SDK1: variants seen among roughly 807,000 people sequenced by gnomAD.
SDK1 encodes the protein sidekick cell adhesion molecule 1, also known as protein sidekick-1.
In SDK1, 157 loss-of-function variants were observed where a neutral mutation model predicts 245.5. The observed-to-expected ratio is 0.64, with a 90% CI of 0.56 to 0.73. SDK1 has a LOEUF of 0.73. Among genes scored for constraint, SDK1 ranks in the 30% least tolerant of loss-of-function variants. The pLI is 0.00. For synonymous variants in SDK1, 1,647 were observed against 1,278.5 expected, an observed-to-expected ratio of 1.29 and a Z score of -6.15; for missense variants, 3,583 against 3,002.3, an observed-to-expected ratio of 1.19 and a Z score of -4.52.
chr7:3,757,498 A>G (rs1394063600), intron 4 of SDK1, among the ~76,000 whole-genome samples: 2 of 152,070 alleles, frequency 1.3e-5, no homozygotes, highest in African/African-American at 4.8e-5. Flanking sequence ...TGGCCTCCCA[A>G]AGTGCTGGGA....
At chr7:3,438,896 A>G (rs1367258486) in intron 1 of SDK1, among the ~76,000 whole-genome samples, 1 of 136,136 alleles carries the variant, frequency 7.3e-6, no homozygotes, top group African/African-American at 3.1e-5. Context: ...CTTGTTGCCC[A>G]GGCTGGAGTG....
chr7:3,413,984 A>T (rs549179034), intron 1 of SDK1, among the ~76,000 whole-genome samples: 2 of 152,176 alleles, frequency 1.3e-5, no homozygotes, highest in Non-Finnish European at 2.9e-5. Context: ...AAAAATAAAA[A>T]GATAACTTGG....
chr7:3,379,035 C>G (rs1781420759), intron 1 of SDK1, among the ~76,000 whole-genome samples: 3 of 152,144 alleles, frequency 2.0e-5, no homozygotes. Flanking sequence ...GCCTGCTTCT[C>G]CTGGCCTGTG....
At chr7:3,676,803 A>G (rs747333755) in intron 4 of SDK1, among the ~76,000 whole-genome samples, 1 of 152,030 alleles carries the variant, frequency 6.6e-6, no homozygotes, top group Admixed American at 6.6e-5. Flanking sequence ...ATTTTTGTTG[A>G]CTTTGTTGAT....
intron 44 of SDK1, among the ~76,000 whole-genome samples, chr7:4,246,941 C>T (rs1023427143): frequency 2.0e-5 from 3 of 152,160 alleles, no homozygotes; most frequent in Non-Finnish European, 4.4e-5. Flanking sequence ...AAGCAGGGGG[C>T]TCAACACACC....
intron 1 of SDK1, among the ~76,000 whole-genome samples, chr7:3,365,063 T>C (rs766844182): frequency 2.6e-5 from 4 of 152,218 alleles, no homozygotes; most frequent in Non-Finnish European, 5.9e-5. Flanking sequence ...GGTGTCAGTG[T>C]GTTCACTGCT....
chr7:3,666,033 A>G (rs1415082781), intron 4 of SDK1, among the ~76,000 whole-genome samples: 2 of 152,096 alleles, frequency 1.3e-5, no homozygotes, highest in Non-Finnish European at 2.9e-5. Flanking sequence ...TGTTCTGGCC[A>G]TTGGCATAAT....
At chr7:3,864,812 G>C (rs1308563734) in intron 5 of SDK1, among the ~76,000 whole-genome samples, 1 of 152,196 alleles carries the variant, frequency 6.6e-6, no homozygotes. Context: ...GGGAAAGAAT[G>C]AGGGAGCAGA....
chr7:3,825,556 AAAC>A (rs1779751297), intron 5 of SDK1, among the ~76,000 whole-genome samples: 1 of 152,170 alleles, frequency 6.6e-6, no homozygotes, highest in South Asian at 2.1e-4. Context: ...TCTCCTCTTC[AAAC>A]AACATTTGCA....
At chr7:4,004,116 C>G (rs55809129) in intron 14 of SDK1, among the ~76,000 whole-genome samples, 43,267 of 152,110 alleles carry the variant, frequency 0.28, 6,444 homozygotes, top group African/African-American at 0.36. Flanking sequence ...ACACATACAG[C>G]CATCAGCAGT....
chr7:3,951,632 C>T, intron 6 of SDK1, 98 bp from the exon 7 acceptor site: 1 of 1,032,060 alleles, frequency 9.7e-7, no homozygotes, highest in African/African-American at 1.6e-5. Context: ...ACCCTGGTAG[C>T]ATTAGCTTCG....
Position 3,331,283 on chromosome 7 carries a change from A to G in SDK1, c.298+29399A>G, listed in dbSNP as rs576625877. On this transcript the variant is annotated intron_variant, in intron 1 of 44. Transcript: ENST00000404826. ...GTCTGAAAAAAAGAAAACAAAAAAC[A>G]AAACACCCAGTCTATGGTGTTCTGT... Among the ~76,000 whole-genome samples, 9 of 152,122 alleles carry G rather than the reference A, an allele frequency of 5.9e-5. No homozygotes were observed. The South Asian group carries it at 1.9e-3, about 31-fold the overall frequency.
At chr7:3,546,696 T>C (rs1249982847) in intron 1 of SDK1, among the ~76,000 whole-genome samples, 1 of 152,198 alleles carries the variant, frequency 6.6e-6, no homozygotes, top group Non-Finnish European at 1.5e-5. Context: ...AGACCATCAT[T>C]TCACAAGGAA....
chr7:3,658,714 A>C (rs1387420660), intron 4 of SDK1, among the ~76,000 whole-genome samples: 2 of 151,020 alleles, frequency 1.3e-5, no homozygotes, highest in Non-Finnish European at 2.9e-5. Flanking sequence ...TCCCAGGTTC[A>C]AGAAATCCTC....
intron 4 of SDK1, among the ~76,000 whole-genome samples, chr7:3,671,491 A>T (rs1033725332): frequency 6.6e-6 from 1 of 152,226 alleles, no homozygotes; most frequent in Non-Finnish European, 1.5e-5. Flanking sequence ...TATGATTCCT[A>T]ATTTGTAAGC....
At chr7:3,512,396 C>G (rs1114778) in intron 1 of SDK1, among the ~76,000 whole-genome samples, 44,211 of 151,994 alleles carry the variant, frequency 0.29, 6,801 homozygotes, top group African/African-American at 0.35. Context: ...TCCAAGTTTT[C>G]GCAATTATGA....
chr7:3,729,940 A>G (rs1007381732), intron 4 of SDK1, among the ~76,000 whole-genome samples: 9 of 151,994 alleles, frequency 5.9e-5, no homozygotes, highest in African/African-American at 2.2e-4. Context: ...ATTTAGTAAC[A>G]TATCTCGAGT....
chr7:4,046,107 A>T (rs929945022), intron 17 of SDK1, among the ~76,000 whole-genome samples: 2 of 150,056 alleles, frequency 1.3e-5, no homozygotes, highest in African/African-American at 2.5e-5. Context: ...TTTTTTTTTT[A>T]ATTTTGTAAT....
intron 38 of SDK1, among the ~76,000 whole-genome samples, chr7:4,215,208 T>A (rs1784726591): frequency 6.6e-6 from 1 of 152,202 alleles, no homozygotes; most frequent in Non-Finnish European, 1.5e-5. Flanking sequence ...CAGATCAGAC[T>A]CACTGAGTCA....
Sources: gnomAD v4.1 joint callset for allele counts (sites outside exome capture counted in the v4.1 genomes callset) on GRCh38, gnomAD v4.1.1 for gene constraint, MANE v1.5 for transcripts, NCBI Gene and HGNC (gene_info 2026-07-23, HGNC 2026-07-21) for gene names.